Variants in RAPGEF6 observed in about 807,000 individuals in gnomAD.
RAPGEF6 encodes the protein Rap guanine nucleotide exchange factor 6, also known as PDZ domain containing guanine nucleotide exchange factor (GEF) 2.
In RAPGEF6, 56 loss-of-function variants were observed where a neutral mutation model predicts 171.4. The ratio of observed to expected loss-of-function variants is 0.33; its 90% CI spans 0.26 to 0.41. The LOEUF (loss-of-function observed/expected upper bound fraction) is 0.41. Among genes scored for constraint, RAPGEF6 ranks in the 10% least tolerant of loss-of-function variants. The pLI, the probability that RAPGEF6 is intolerant of heterozygous loss-of-function variation, is 1.00. For synonymous variants in RAPGEF6, 692 were observed against 650.1 expected (o/e 1.06, Z -0.98); for missense variants, 1,674 against 1,921.4 (o/e 0.87, Z 2.41).
intron 5 of RAPGEF6, among the ~76,000 whole-genome samples, chr5:131,556,718 C>CT (rs1350892932): frequency 1.3e-5 from 2 of 152,006 alleles, no homozygotes; most frequent in Admixed American, 6.6e-5. Context: ...GTTCTCCTTG[C>CT]TTTTTTTATT....
chr5:131,604,758 C>T (rs567720375), intron 1 of RAPGEF6, 65 bp from the exon 2 acceptor site: 10 of 1,499,738 alleles, frequency 6.7e-6, no homozygotes, highest in Non-Finnish European at 8.0e-6. Flanking sequence ...TAAGGCACCC[C>T]ACAATTCTGA....
At chr5:131,437,173 T>G (rs1580821449) in intron 24 of RAPGEF6, among the ~76,000 whole-genome samples, 1 of 152,350 alleles carries the variant, frequency 6.6e-6, no homozygotes, top group Non-Finnish European at 1.5e-5. Context: ...GAAACAGTTT[T>G]GAAGAGAAGA....
At chr5:131,585,521 C>CAA (rs111943047) in intron 4 of RAPGEF6, among the ~76,000 whole-genome samples, 7 of 149,294 alleles carry the variant, frequency 4.7e-5, no homozygotes, top group Admixed American at 1.3e-4. Context: ...ATCAGAAACT[C>CAA]AAAAAAAAAC....
At chr5:131,538,327 G>A (rs1367762720) in intron 6 of RAPGEF6, among the ~76,000 whole-genome samples, 1 of 152,064 alleles carries the variant, frequency 6.6e-6, no homozygotes, top group East Asian at 1.9e-4. Flanking sequence ...AAACCTAGAC[G>A]GTATAGCCTA....
At chr5:131,498,398 A>T in intron 12 of RAPGEF6, 45 bp downstream of exon 12, 1 of 1,529,258 alleles carries the variant, frequency 6.5e-7, no homozygotes, top group Non-Finnish European at 8.8e-7. Context: ...TTTCATGAAT[A>T]AAATTTTGGG....
In RAPGEF6 at chr5:131,548,209, T is replaced by A; in HGVS notation, c.352-19A>T. 1 of 1,610,982 alleles carries A rather than the reference T, an allele frequency of 6.2e-7. No individual in the cohort carries two copies. The highest frequency in any genetic ancestry group is 1.1e-5 in the South Asian group (1 of 90,760). ...TCTCTACCTGAAACACATGTTCATA[T>A]TCCTGATGAAATATCAAATTTTTCC... On this transcript the variant is annotated intron_variant, in intron 5 of 27. Transcript: ENST00000509018.
chr5:131,434,476 C>T (rs570906751), intron 24 of RAPGEF6, among the ~76,000 whole-genome samples: 14 of 152,230 alleles, frequency 9.2e-5, no homozygotes, highest in African/African-American at 3.1e-4. Context: ...TGGCCTCAAG[C>T]GATCCTCCCG....
chr5:131,515,093 C>T (rs1290445847), intron 7 of RAPGEF6, among the ~76,000 whole-genome samples: 1 of 152,116 alleles, frequency 6.6e-6, no homozygotes, highest in Non-Finnish European at 1.5e-5. Context: ...TTCCTGTTTC[C>T]ATCTAGATAA....
At chr5:131,566,484 T>C (rs894427351) in intron 4 of RAPGEF6, among the ~76,000 whole-genome samples, 1 of 152,196 alleles carries the variant, frequency 6.6e-6, no homozygotes, top group African/African-American at 2.4e-5. Flanking sequence ...CTGTTTTCTG[T>C]TATTCTGTTA....
intron 7 of RAPGEF6, among the ~76,000 whole-genome samples, chr5:131,517,125 G>A (rs1029176694): frequency 6.6e-6 from 1 of 152,226 alleles, no homozygotes; most frequent in East Asian, 1.9e-4. Context: ...TTAGGGCAGG[G>A]AGAGAGGGGC....
chr5:131,446,842 A>G, intron 21 of RAPGEF6, 139 bp from the exon 22 acceptor site: 1 of 802,534 alleles, frequency 1.2e-6, no homozygotes, highest in Non-Finnish European at 1.9e-6. Flanking sequence ...GCATTAATGC[A>G]AAGTAATTTG....
At chr5:131,516,621 C>T (rs774176211) in intron 7 of RAPGEF6, among the ~76,000 whole-genome samples, 4 of 152,022 alleles carry the variant, frequency 2.6e-5, no homozygotes, top group Non-Finnish European at 5.9e-5. Context: ...AGACAACATG[C>T]TTTTGTTCAA....
At chr5:131,510,247 T>A in intron 8 of RAPGEF6, 67 bp downstream of exon 8, 3 of 1,406,098 alleles carry the variant, frequency 2.1e-6, no homozygotes, top group Non-Finnish European at 2.9e-6. Flanking sequence ...AATAATTTGT[T>A]ATGCAGAAAT....
chr5:131,469,524 T>C (rs1297845645), intron 17 of RAPGEF6, among the ~76,000 whole-genome samples: 1 of 152,160 alleles, frequency 6.6e-6, no homozygotes, highest in Admixed American at 6.5e-5. Context: ...TCCTAATTTT[T>C]TTTAGGACTC....
intron 5 of RAPGEF6, among the ~76,000 whole-genome samples, chr5:131,557,977 C>T (rs1159747107): frequency 1.3e-5 from 2 of 152,004 alleles, no homozygotes; most frequent in Admixed American, 1.3e-4. Flanking sequence ...TTGTATAATG[C>T]CCTTGTTAGG....
rs1760683866 is a variant in RAPGEF6, at chr5:131,548,288, C to T, written c.352-98G>A. On this transcript the variant is annotated intron_variant, in intron 5 of 27. Transcript: ENST00000509018. ...CAGACTCATAAGGAAGCTTCATTTA[C>T]TTCTTACAAGAAACTGCCTCAAGAA... 4 of 1,244,948 alleles carry T rather than the reference C, an allele frequency of 3.2e-6. No individual in the cohort carries two copies. In the Admixed American group the frequency reaches 9.4e-5, roughly 29 times the overall value. 77.1% of individuals were successfully genotyped at this position (1,244,948 alleles called of 1,614,324 possible).
intron 16 of RAPGEF6, among the ~76,000 whole-genome samples, chr5:131,475,235 C>T (rs1307235559): frequency 6.6e-6 from 1 of 152,164 alleles, no homozygotes; most frequent in South Asian, 2.1e-4. Flanking sequence ...AATATCCATG[C>T]TTATTTGAAA....
At chr5:131,559,586 G>A (rs921535067) in intron 5 of RAPGEF6, among the ~76,000 whole-genome samples, 1 of 152,140 alleles carries the variant, frequency 6.6e-6, no homozygotes, top group African/African-American at 2.4e-5. Context: ...CACTTGGGAG[G>A]TTGAGGTGGG....
chr5:131,472,799 A>C, intron 16 of RAPGEF6, 55 bp from the exon 17 acceptor site: 2 of 1,485,176 alleles, frequency 1.3e-6, no homozygotes, highest in Non-Finnish European at 1.9e-6. Context: ...TTAAGTAGTA[A>C]ACGTTTCTGT....
Sources: gnomAD v4.1 joint callset for allele counts (sites outside exome capture counted in the v4.1 genomes callset) on GRCh38, gnomAD v4.1.1 for gene constraint, MANE v1.5 for transcripts, NCBI Gene and HGNC (gene_info 2026-07-23, HGNC 2026-07-21) for gene names.